SPACA6: variants seen among roughly 807,000 people sequenced by gnomAD.
SPACA6 encodes the protein sperm acrosome associated 6, also known as sperm acrosome membrane-associated protein 6.
For missense variants in SPACA6, 8 were observed against 2.8 expected, an observed-to-expected ratio of 2.88 and a Z score of -1.34; for synonymous variants, 6 against 1.5, an observed-to-expected ratio of 4.05 and a Z score of -2.21.
chr19:51,711,588 C>T (rs1044655208), intron 2 of SPACA6, among the ~76,000 whole-genome samples: 9 of 152,132 alleles, frequency 5.9e-5, no homozygotes, highest in Non-Finnish European at 1.0e-4. Flanking sequence ...AACTTGCACA[C>T]GAATGTTCAT....
At chr19:51,690,409 C>G (rs996363710), upstream of SPACA6, among the ~76,000 whole-genome samples, 11 of 152,132 alleles carry the variant, frequency 7.2e-5, no homozygotes, top group African/African-American at 2.4e-4. Flanking sequence ...GCATCTTTCT[C>G]CCTTTGAAGC....
upstream of SPACA6, chr19:51,687,215 T>C (rs1461739895): frequency 6.6e-6 from 1 of 152,054 alleles, no homozygotes; most frequent in Non-Finnish European, 1.5e-5. Context: ...TGATCTGAGA[T>C]AATGCCACTG....
chr19:51,711,534 C>A (rs1209938675), intron 2 of SPACA6, among the ~76,000 whole-genome samples: 1 of 152,174 alleles, frequency 6.6e-6, no homozygotes, highest in Non-Finnish European at 1.5e-5. Flanking sequence ...AATTCAATTT[C>A]TAAGTATATA....
Position 51,694,004 on chromosome 19 carries a change from GA to G in SPACA6, c.214+265del, listed in dbSNP as rs1485274209. On this transcript the variant is annotated intron_variant, in intron 1 of 8. Coordinates refer to ENST00000637797, the MANE Select transcript of SPACA6 (RefSeq NM_001316972.2). Reference sequence around the variant, plus strand: ...GAGGGGGAGGATGGAGACTCAGAGAGAGAGGAAGATGGAGACTCGGAAAGAT... The same window carrying G: ...GAGGGGGAGGATGGAGACTCAGAGAGGAGGAAGATGGAGACTCGGAAAGAT... 86 of 325,870 alleles carry G rather than the reference GA, an allele frequency of 2.6e-4. 1 individual carries two copies. The highest frequency in any genetic ancestry group is 1.6e-3 in the African/African-American group (73 of 45,682). 20.2% of individuals were successfully genotyped at this position (325,870 alleles called of 1,614,324 possible).
chr19:51,709,794 C>T (rs1317333293), downstream of SPACA6, among the ~76,000 whole-genome samples: 1 of 151,912 alleles, frequency 6.6e-6, no homozygotes, highest in East Asian at 1.9e-4. Flanking sequence ...GAGATGCAGC[C>T]CTGGGGAACA....
intron 3 of SPACA6, among the ~76,000 whole-genome samples, chr19:51,702,062 TCAAAA>T (rs2083472586): frequency 6.6e-6 from 1 of 151,990 alleles, no homozygotes; most frequent in African/African-American, 2.4e-5. Flanking sequence ...AGACTCCATC[TCAAAA>T]CGAAACCCAC....
upstream of SPACA6, chr19:51,692,587 C>A (rs776030697): frequency 1.9e-6 from 1 of 518,762 alleles, no homozygotes; most frequent in Non-Finnish European, 3.9e-6. The surrounding 1 kb of genome is among the most constrained non-coding windows in gnomAD (Gnocchi z 5.6). Context: ...GGAGGAGGGG[C>A]CGGGGGCCCG....
At position 51,703,102 on chromosome 19, in the gene SPACA6, A is replaced by G; in HGVS notation, c.463+4A>G. ...GACCTCCCGCTGGACTGCCCAGGTGAGGGGGCGGGGCCTCGGGGTGCAGGA... is the reference window on the plus strand; with the variant it reads ...GACCTCCCGCTGGACTGCCCAGGTGGGGGGGCGGGGCCTCGGGGTGCAGGA... On this transcript the variant is annotated splice_donor_region_variant and intron_variant, in intron 5 of 8. Transcript: ENST00000637797. The surrounding 1 kb of genome is among the most constrained non-coding windows in gnomAD (Gnocchi z 4.2). 1 of 399,600 alleles carries G rather than the reference A, an allele frequency of 2.5e-6. No individual in the cohort carries two copies. 24.8% of individuals were successfully genotyped at this position (399,600 alleles called of 1,614,324 possible).
At chr19:51,688,139 C>T (rs903749423), upstream of SPACA6, 9 of 152,672 alleles carry the variant, frequency 5.9e-5, no homozygotes, top group African/African-American at 1.7e-4. Flanking sequence ...CCAGCCTGGC[C>T]TGAAACTCCC....
chr19:51,704,073 C>T lies in SPACA6; in HGVS notation c.617C>T (p.Ala206Val). ...DLSYFRDMPR[A>V]EGYLARIRPA... is the part of the protein sequence containing the mutation. ...TCCTATTTCCGAGATATGCCGCGGG[C>T]CGAAGGATACCTGGCGCGGATCCGG... The change falls in exon 7 of 9, where the codon GCC becomes GTC. Residue 206 changes from alanine to valine, a missense_variant. Ala to Val is a moderately conservative substitution (Grantham distance 64). Transcript: ENST00000637797. 2.5e-6 allele frequency: 1 copy of T among 401,238 alleles called. No individual in the cohort carries two copies. Among genetic ancestry groups the T allele is most frequent in the Admixed American group, 4.4e-5 (1 of 22,746 alleles). The allele number at this position is 401,238 out of a possible 1,614,324, so 24.9% of individuals were successfully genotyped here. A position where few individuals can be genotyped will look rare whatever the true frequency, so the allele number is the denominator to read the frequency against.
intron 1 of SPACA6, chr19:51,694,004 G>A: frequency 3.1e-6 from 1 of 325,870 alleles, no homozygotes. Flanking sequence ...GACTCAGAGA[G>A]AGAGGAAGAT....
At chr19:51,708,521 A>G (rs2083526935), downstream of SPACA6, among the ~76,000 whole-genome samples, 1 of 152,094 alleles carries the variant, frequency 6.6e-6, no homozygotes. Context: ...CATTATGGAT[A>G]TTTGTGTGAA....
At position 51,704,289 on chromosome 19, in the gene SPACA6, G is replaced by A. The variant is rs1024897100; in HGVS notation, c.750G>A (p.Arg250=). The change falls in exon 8 of 9, where the codon CGG becomes CGA. Residue 250 remains arginine (R), a synonymous_variant. Transcript: ENST00000637797. ...CCGCAGTGACGGGCCCGCCCCCGCG[G>A]GCGGAGACAGAGTTGCAGGCCTCGT... ...FFLNVTGPPP[R]AETELQASFR... 5 of 400,622 alleles carry A rather than the reference G, an allele frequency of 1.2e-5. No individual in the cohort carries two copies. Among genetic ancestry groups the A allele is most frequent in the Non-Finnish European group, 2.2e-5 (5 of 226,000 alleles). The allele number at this position is 400,622 out of a possible 1,614,324, so 24.8% of individuals were successfully genotyped here. A position where few individuals can be genotyped will look rare whatever the true frequency, so the allele number is the denominator to read the frequency against.
chr19:51,703,890 A>G lies in SPACA6; in HGVS notation c.574-140A>G, dbSNP rs572617612. 1.3e-4 allele frequency: 49 copies of G among 385,876 alleles called. No homozygotes were observed. The South Asian group carries it at 2.5e-3, about 20-fold the overall frequency. The allele number at this position is 385,876 out of a possible 1,614,324, so 23.9% of individuals were successfully genotyped here. A position where few individuals can be genotyped will look rare whatever the true frequency, so the allele number is the denominator to read the frequency against. ...TGAGGGGAAGGGGTGCGTTTAGGGC[A>G]GGGGAGCGAGAAGGCTCGGGGGCGG... On this transcript the variant is annotated intron_variant, in intron 6 of 8. Coordinates refer to ENST00000637797, the MANE Select transcript of SPACA6 (RefSeq NM_001316972.2). This position sits in a 1 kb window ranked among gnomAD's most constrained non-coding sequence, Gnocchi z 4.2.
At position 51,703,282 on chromosome 19, in the gene SPACA6, A is replaced by C. The variant is rs1315639633; in HGVS notation, c.518A>C (p.Asn173Thr). The C allele has an allele frequency of 2.5e-6, 1 of 399,138 alleles. No individual in the cohort carries two copies. Among genetic ancestry groups the C allele is most frequent in the East Asian group, 3.6e-5 (1 of 28,086 alleles). 24.7% of individuals were successfully genotyped at this position (399,138 alleles called of 1,614,324 possible). The change falls in exon 6 of 9, where the codon AAC becomes ACC. Residue 173 changes from asparagine (N) to threonine (T), a missense_variant. Transcript: ENST00000637797. The surrounding 1 kb of genome is among the most constrained non-coding windows in gnomAD (Gnocchi z 4.2). ...CAGGCTATGTTTTCTTGCATCGTAA[A>C]CTTCCAGCTGCCAAAGGAGGAGATC... ...GDQAMFSCIVNFQLPKEEITY... is the reference protein window; with the variant it reads ...GDQAMFSCIVTFQLPKEEITY...
At chr19:51,691,193 G>A (rs912633765), upstream of SPACA6, among the ~76,000 whole-genome samples, 4 of 93,074 alleles carry the variant, frequency 4.3e-5, no homozygotes, top group Non-Finnish European at 8.0e-5. Flanking sequence ...GGGAGAGAGG[G>A]AAGGAGAAAA....
chr19:51,683,153 G>A, the SPACA6 span, among the ~76,000 whole-genome samples: 1 of 152,320 alleles, frequency 6.6e-6, no homozygotes, highest in South Asian at 2.1e-4. Context: ...TTGGTTTCTT[G>A]TTCTAGCTTC....
At chr19:51,684,219 T>C (rs552016208), upstream of SPACA6, among the ~76,000 whole-genome samples, 121 of 152,252 alleles carry the variant, frequency 7.9e-4, no homozygotes, top group African/African-American at 2.8e-3. Flanking sequence ...GATGATCTAT[T>C]ATCAGAGGTA....
the SPACA6 span, among the ~76,000 whole-genome samples, chr19:51,683,207 C>A: frequency 1.3e-5 from 2 of 152,172 alleles, no homozygotes; most frequent in Non-Finnish European, 2.9e-5. Context: ...CTTGTAGATG[C>A]ATCACTTGAA....
Sources: gnomAD v4.1 joint callset for allele counts (sites outside exome capture counted in the v4.1 genomes callset) on GRCh38, gnomAD v4.1.1 for gene constraint, Gnocchi (gnomAD v3.1) non-coding constraint, MANE v1.5 for transcripts, NCBI Gene and HGNC (gene_info 2026-07-23, HGNC 2026-07-21) for gene names.